Variants in GCFC2 observed in about 807,000 individuals in gnomAD.
The protein encoded by GCFC2 is GC-rich sequence DNA-binding factor 2, also known as intron Large complex component GCFC2.
GCFC2 carries 102 observed loss-of-function variants against 99.4 expected under a neutral mutation model. The observed-to-expected ratio is 1.03, with a 90% CI of 0.87 to 1.21. The LOEUF (loss-of-function observed/expected upper bound fraction) is 1.21. Among genes scored for constraint, GCFC2 ranks in the 50% most tolerant of loss-of-function variants. The pLI is 0.00. For missense variants in GCFC2, 973 were observed against 920.9 expected, an observed-to-expected ratio of 1.06 and a Z score of -0.73; for synonymous variants, 338 against 316.8, an observed-to-expected ratio of 1.07 and a Z score of -0.71.
chr2:75,689,364 A>G, intron 9 of GCFC2, 139 bp from the exon 10 acceptor site: 1 of 545,946 alleles, frequency 1.8e-6, no homozygotes. Flanking sequence ...TTATTAAATC[A>G]CTTTATCAAC....
At chr2:75,669,766 CTT>C (rs752784143) in intron 15 of GCFC2, among the ~76,000 whole-genome samples, 11 of 151,680 alleles carry the variant, frequency 7.3e-5, no homozygotes, top group African/African-American at 1.9e-4. Flanking sequence ...GAGTTTTGCT[CTT>C]GTCACCCAGG....
rs564589096 is a variant in GCFC2 at position 75,666,278 on chromosome 2, C to A, written c.2104-225G>T. On this transcript the variant is annotated intron_variant, in intron 15 of 16. Coordinates refer to ENST00000321027, the MANE Select transcript of GCFC2 (RefSeq NM_003203.5). ...AAATACACTACTCTCTATGAACACT[C>A]CCTGGTAGTACTAGTAATTCTTTCT... is the stretch of plus-strand genomic sequence containing the variant. 5.3e-5 allele frequency among the ~76,000 whole-genome samples: 8 copies of A among 152,302 alleles called. No homozygotes were observed. The South Asian group carries it at 1.7e-3, about 32-fold the overall frequency.
intron 1 of GCFC2, chr2:75,710,319 GGA>G (rs1681087066): frequency 1.9e-6 from 1 of 534,048 alleles, no homozygotes; most frequent in Non-Finnish European, 3.0e-6. Context: ...TATAACTGAT[GGA>G]GTCAACTGAT....
intron 5 of GCFC2, 125 bp from the exon 6 acceptor site, chr2:75,694,552 A>G: frequency 2.5e-6 from 1 of 407,658 alleles, no homozygotes; most frequent in Non-Finnish European, 4.2e-6. Flanking sequence ...TATAGACTAG[A>G]TAAGCAAAGA....
chr2:75,708,159 C>T (rs1482107683), intron 1 of GCFC2, among the ~76,000 whole-genome samples: 1 of 152,130 alleles, frequency 6.6e-6, no homozygotes, highest in East Asian at 1.9e-4. Flanking sequence ...ATCTGACAAA[C>T]ATTTTCTCAA....
intron 16 of GCFC2, among the ~76,000 whole-genome samples, chr2:75,665,531 G>A (rs1264836951): frequency 6.6e-6 from 1 of 151,994 alleles, no homozygotes; most frequent in African/African-American, 2.4e-5. Context: ...AACAGCTGGT[G>A]CTGTGAACGA....
intron 13 of GCFC2, among the ~76,000 whole-genome samples, chr2:75,673,118 G>T (rs367746367): frequency 6.6e-5 from 10 of 152,048 alleles, no homozygotes; most frequent in South Asian, 2.1e-4. Flanking sequence ...AGACCATCCT[G>T]GCTAACATGG....
intron 10 of GCFC2, among the ~76,000 whole-genome samples, chr2:75,688,666 A>C (rs551018090): frequency 6.6e-6 from 1 of 152,132 alleles, no homozygotes; most frequent in Admixed American, 6.6e-5. Flanking sequence ...CACAACCCTA[A>C]GCAACTCTTC....
At chr2:75,696,774 T>A (rs767424037) in intron 4 of GCFC2, among the ~76,000 whole-genome samples, 8 of 152,200 alleles carry the variant, frequency 5.3e-5, no homozygotes, top group Middle Eastern at 3.4e-3. Context: ...AGTTTTTACT[T>A]TTCTTTAAGA....
chr2:75,691,417 G>A (rs936562757), intron 7 of GCFC2, among the ~76,000 whole-genome samples: 6 of 151,970 alleles, frequency 3.9e-5, no homozygotes, highest in East Asian at 3.9e-4. Flanking sequence ...ATTTTAATAC[G>A]TAATACCATT....
At position 75,690,691 on chromosome 2, in the gene GCFC2, G is replaced by A. The variant is rs1305212106; in HGVS notation, c.1173C>T (p.Asn391=). ...ACTGAGTTTTTTCATCTACTGAGAA[G>A]TTTCCACTTGTGGATGTCTCATCTT... ...SRKDETSTSG[N]FSVDEKTQWI... The change falls in exon 8 of 17, where the codon AAC becomes AAT. Residue 391 remains asparagine, a synonymous_variant. Coordinates refer to ENST00000321027, the MANE Select transcript of GCFC2 (RefSeq NM_003203.5). 2 of 1,561,354 alleles carry A rather than the reference G, an allele frequency of 1.3e-6. No individual in the cohort carries two copies. The highest frequency in any genetic ancestry group is 4.5e-5 in the East Asian group (2 of 44,352).
At chr2:75,710,132 G>C (rs577906757) in intron 1 of GCFC2, among the ~76,000 whole-genome samples, 5 of 152,228 alleles carry the variant, frequency 3.3e-5, no homozygotes, top group Admixed American at 2.0e-4. Context: ...AATAAACAAA[G>C]GGGAATGTCC....
rs775984021 is a variant in GCFC2 at position 75,680,164 on chromosome 2, A to G, written c.1812+29T>C. ...AATTATAATGATTTAGAGATAGATC[A>G]TGGAGTTCGCAACTCTAGAAATTAT... On this transcript the variant is annotated intron_variant, in intron 12 of 16. Coordinates refer to ENST00000321027, the MANE Select transcript of GCFC2 (RefSeq NM_003203.5). 3 of 1,517,170 alleles carry G rather than the reference A, an allele frequency of 2.0e-6. No individual in the cohort carries two copies. The East Asian group carries it at 6.8e-5, about 34-fold the overall frequency. 94.0% of individuals were successfully genotyped at this position (1,517,170 alleles called of 1,614,324 possible).
chr2:75,675,947 A>G (rs529521108), intron 12 of GCFC2, among the ~76,000 whole-genome samples: 7 of 152,096 alleles, frequency 4.6e-5, no homozygotes, highest in Non-Finnish European at 1.0e-4. Flanking sequence ...ATACTTTGAA[A>G]CAGCTTTAAA....
intron 3 of GCFC2, 193 bp downstream of exon 3, chr2:75,702,006 C>A (rs944608350): frequency 5.6e-5 from 78 of 1,385,580 alleles, no homozygotes; most frequent in Non-Finnish European, 7.1e-5. Flanking sequence ...CATTATTACA[C>A]ATACTCCTTG....
rs186648306 is a variant in GCFC2, at chr2:75,666,712, G to T, written c.2104-659C>A. Among the ~76,000 whole-genome samples, 4 of 143,238 alleles carry T rather than the reference G, an allele frequency of 2.8e-5. No homozygotes were observed. In the East Asian group the frequency reaches 8.2e-4, roughly 29 times the overall value. 94.0% of individuals were successfully genotyped at this position (143,238 alleles called of 152,430 possible). A position where few individuals can be genotyped will look rare whatever the true frequency, so the allele number is the denominator to read the frequency against. On this transcript the variant is annotated intron_variant, in intron 15 of 16. Coordinates refer to ENST00000321027, the MANE Select transcript of GCFC2 (RefSeq NM_003203.5). The stretch of plus-strand genomic sequence containing the variant: ...AAAAATGTTAGAAAAAATTTAAAAA[G>T]TAAAAAAAAAAAAAACTTCCTCATA...
Position 75,662,947 on chromosome 2 carries a change from C to T in GCFC2, c.*1719G>A, listed in dbSNP as rs932861064. On this transcript the variant is annotated 3_prime_UTR_variant, in exon 17 of 17. Coordinates refer to ENST00000321027, the MANE Select transcript of GCFC2 (RefSeq NM_003203.5). Reference sequence around the variant, plus strand: ...CCAAAACTATGTACACATAGAAACACGTAACATTTTTGTAAATAGAGAAAA... The same window carrying T: ...CCAAAACTATGTACACATAGAAACATGTAACATTTTTGTAAATAGAGAAAA... 3.4e-5 allele frequency: 5 copies of T among 147,344 alleles called. No homozygotes were observed. The South Asian group carries it at 8.5e-4, about 25-fold the overall frequency. The allele number at this position is 147,344 out of a possible 1,614,324, so 9.1% of individuals were successfully genotyped here.
upstream of GCFC2, among the ~76,000 whole-genome samples, chr2:75,712,961 C>T (rs967907254): frequency 1.3e-5 from 2 of 152,174 alleles, no homozygotes; most frequent in Admixed American, 6.5e-5. Context: ...GTGTTTCTCC[C>T]AGATATCCAG....
At chr2:75,710,488 T>G in intron 1 of GCFC2, 103 bp downstream of exon 1, 1 of 1,392,252 alleles carries the variant, frequency 7.2e-7, no homozygotes, top group East Asian at 3.0e-5. Flanking sequence ...TGGCTTGTGG[T>G]CGGCAGCAAG....
Sources: allele counts gnomAD v4.1 joint callset (sites outside exome capture counted in the v4.1 genomes callset), GRCh38; gene constraint gnomAD v4.1.1; transcripts MANE v1.5; gene names NCBI Gene and HGNC (gene_info 2026-07-23, HGNC 2026-07-21).